The following CDH11 variants were observed in gnomAD, a reference collection of about 807,000 sequenced individuals.
The protein encoded by CDH11 is cadherin-11.
Under a neutral mutation model 67.8 loss-of-function variants are expected in CDH11, and 11 were observed. That is an observed-to-expected ratio of 0.16 (90% CI 0.10 to 0.27). CDH11 has a LOEUF of 0.27. Ranked by LOEUF, CDH11 falls within the 10% of genes least tolerant of loss-of-function variation. CDH11 has a pLI of 1.00. For missense variants in CDH11, 847 were observed against 1,031.2 expected (o/e 0.82, Z 2.45); for synonymous variants, 419 against 400.0 (o/e 1.05, Z -0.57).
chr16:64,998,980 T>A (rs2072845847), intron 3 of CDH11, 124 bp from the exon 4 acceptor site: 2 of 797,048 alleles, frequency 2.5e-6, no homozygotes, highest in African/African-American at 3.5e-5. Flanking sequence ...TGTTCTCATC[T>A]CCATTTTACA....
At chr16:65,051,261 A>G (rs1422508135) in intron 2 of CDH11, among the ~76,000 whole-genome samples, 2 of 152,214 alleles carry the variant, frequency 1.3e-5, no homozygotes, top group Non-Finnish European at 2.9e-5. Flanking sequence ...CTCCCAAAAC[A>G]GACCCACATT....
upstream of CDH11, chr16:65,122,487 G>T (rs2075351839): frequency 6.1e-6 from 1 of 162,992 alleles, no homozygotes; most frequent in Non-Finnish European, 1.3e-5. Context: ...CAGCTGGCCA[G>T]GCTGGGCTCT....
chr16:64,961,592 T>C (rs1458999244), intron 11 of CDH11, among the ~76,000 whole-genome samples: 1 of 152,170 alleles, frequency 6.6e-6, no homozygotes. Flanking sequence ...ATTAGGATTA[T>C]ATATCAAATA....
At chr16:65,105,019 CCTG>C (rs1344938857) in intron 1 of CDH11, among the ~76,000 whole-genome samples, 1 of 152,176 alleles carries the variant, frequency 6.6e-6, no homozygotes, top group African/African-American at 2.4e-5. Flanking sequence ...AAAATCAGTT[CCTG>C]CATGGCCAGT....
At chr16:65,080,800 A>G (rs144857033) in intron 1 of CDH11, among the ~76,000 whole-genome samples, 72 of 152,250 alleles carry the variant, frequency 4.7e-4, no homozygotes, top group African/African-American at 1.5e-3. Flanking sequence ...TTGAGTTGGT[A>G]ATTTGTCCAT....
At chr16:64,967,856 C>A (rs1232238305) in intron 11 of CDH11, among the ~76,000 whole-genome samples, 1 of 151,964 alleles carries the variant, frequency 6.6e-6, no homozygotes, top group East Asian at 1.9e-4. Context: ...GTAATAGAAG[C>A]AAATTATAAA....
rs878989042 is a variant in CDH11 at position 65,004,672 on chromosome 16, G to A, written c.198C>T (p.Tyr66=). The change falls in exon 3 of 13, where the codon TAC becomes TAT. Residue 66 remains tyrosine (Y), a synonymous_variant. Transcript: ENST00000268603. ...CCACAAGCACGGGGTCAGGCCCGGT[G>A]TACTCCTCTATCACGAAGAACTGGT... ...VWNQFFVIEE[Y]TGPDPVLVGR... is the part of the protein sequence containing the mutation. 3 of 1,613,506 alleles carry A rather than the reference G, an allele frequency of 1.9e-6. No homozygotes were observed. The African/African-American group carries it at 4.0e-5, about 22-fold the overall frequency.
At chr16:64,972,867 G>T in intron 9 of CDH11, 37 bp downstream of exon 9, 1 of 1,605,750 alleles carries the variant, frequency 6.2e-7, no homozygotes, top group Non-Finnish European at 8.5e-7. Flanking sequence ...GATAATACTT[G>T]GTAAAGTAGA....
chr16:65,041,300 G>A (rs914343127), intron 2 of CDH11, among the ~76,000 whole-genome samples: 75 of 151,778 alleles, frequency 4.9e-4, no homozygotes, highest in Admixed American at 4.8e-3. Flanking sequence ...TTGACCAATC[G>A]CCACCTCTTC....
intron 1 of CDH11, among the ~76,000 whole-genome samples, chr16:65,111,674 A>AACACACACACACACACACAC (rs71143552): frequency 4.3e-5 from 6 of 140,728 alleles, no homozygotes; most frequent in East Asian, 4.3e-4. Context: ...GAAAGCTAGA[A>AACACACACACACACACACAC]ACACACACAC....
At chr16:64,997,318 A>AATAC (rs1164316895) in intron 4 of CDH11, among the ~76,000 whole-genome samples, 2 of 149,656 alleles carry the variant, frequency 1.3e-5, no homozygotes, top group Non-Finnish European at 1.5e-5. Flanking sequence ...TAAATAAATA[A>AATAC]ATAAATAAAT....
intron 1 of CDH11, among the ~76,000 whole-genome samples, chr16:65,063,201 T>C (rs984507679): frequency 6.6e-6 from 1 of 152,224 alleles, no homozygotes; most frequent in Non-Finnish European, 1.5e-5. Flanking sequence ...GTGTGTGCTT[T>C]AGATGTAAAT....
chr16:65,093,653 C>T (rs993882953), intron 1 of CDH11, among the ~76,000 whole-genome samples: 2 of 152,144 alleles, frequency 1.3e-5, no homozygotes, highest in Admixed American at 6.5e-5. Flanking sequence ...AGCATCCATT[C>T]ATCCAACAAA....
chr16:65,064,687 T>C (rs551382160), intron 1 of CDH11, among the ~76,000 whole-genome samples: 3 of 152,256 alleles, frequency 2.0e-5, no homozygotes, highest in South Asian at 4.1e-4. Context: ...TTATGTTGTT[T>C]CCTTTTAATT....
intron 4 of CDH11, among the ~76,000 whole-genome samples, chr16:64,996,453 G>A (rs2072767726): frequency 6.8e-6 from 1 of 146,952 alleles, no homozygotes; most frequent in South Asian, 2.1e-4. Flanking sequence ...TCGTGCCACT[G>A]CACTGCAGCC....
chr16:65,029,586 G>T (rs1277027206), intron 2 of CDH11, among the ~76,000 whole-genome samples: 1 of 152,174 alleles, frequency 6.6e-6, no homozygotes, highest in Non-Finnish European at 1.5e-5. Flanking sequence ...GATTACAGAA[G>T]AATGGTGGCA....
intron 1 of CDH11, among the ~76,000 whole-genome samples, chr16:65,110,061 A>C (rs1356745538): frequency 6.6e-6 from 1 of 152,096 alleles, no homozygotes; most frequent in Non-Finnish European, 1.5e-5. Context: ...TGTAAAGATG[A>C]GGTTTCATCG....
chr16:65,042,206 A>C (rs972683904), intron 2 of CDH11, among the ~76,000 whole-genome samples: 21 of 152,190 alleles, frequency 1.4e-4, no homozygotes, highest in African/African-American at 5.1e-4. Context: ...AAGTCTCTAA[A>C]CTTCACAGGG....
intron 11 of CDH11, among the ~76,000 whole-genome samples, chr16:64,952,199 T>C (rs2071381181): frequency 1.3e-5 from 2 of 152,202 alleles, no homozygotes. Context: ...TCAAAAGTCA[T>C]CTCTTCAGGG....
Sources: gnomAD v4.1 joint callset for allele counts (sites outside exome capture counted in the v4.1 genomes callset) on GRCh38, gnomAD v4.1.1 for gene constraint, MANE v1.5 for transcripts, NCBI Gene and HGNC (gene_info 2026-07-23, HGNC 2026-07-21) for gene names.